Variants in MSI2 observed in about 807,000 individuals in gnomAD.
The protein encoded by MSI2 is RNA-binding protein Musashi homolog 2.
A neutral mutation model predicts 45.6 loss-of-function variants in MSI2; 17 were observed. The observed-to-expected ratio is 0.37, with a 90% CI of 0.26 to 0.56. The LOEUF (loss-of-function observed/expected upper bound fraction) is 0.56. Ranked by LOEUF, MSI2 falls within the 20% of genes least tolerant of loss-of-function variation. MSI2 has a pLI of 0.77. For missense variants in MSI2, 293 were observed against 444.2 expected, an observed-to-expected ratio of 0.66 and a Z score of 3.06; for synonymous variants, 156 against 158.2, an observed-to-expected ratio of 0.99 and a Z score of 0.11.
At chr17:57,256,270 C>A (rs969740675), upstream of MSI2, among the ~76,000 whole-genome samples, 4 of 151,730 alleles carry the variant, frequency 2.6e-5, no homozygotes, top group African/African-American at 7.3e-5. Context: ...CCTGCCGGCC[C>A]GGAGGCGGGG....
At chr17:57,348,562 C>A (rs1351444321) in intron 5 of MSI2, among the ~76,000 whole-genome samples, 1 of 152,146 alleles carries the variant, frequency 6.6e-6, no homozygotes, top group African/African-American at 2.4e-5. Flanking sequence ...AAAAGCCTGG[C>A]ACCTCTTCCC....
rs565070364 is a variant in MSI2, at chr17:57,608,861, G to C, written c.538-7109G>C. ...GAATCTTGATTATAAACCTGCAAGA[G>C]CCTTACAAAATGTCCTGCTTTTTGT... On this transcript the variant is annotated intron_variant, in intron 8 of 13. Coordinates refer to ENST00000284073, the MANE Select transcript of MSI2 (RefSeq NM_138962.4). 3.9e-5 allele frequency among the ~76,000 whole-genome samples: 6 copies of C among 152,322 alleles called. No individual in the cohort carries two copies. The East Asian group carries it at 5.8e-4, about 15-fold the overall frequency.
At chr17:57,690,371 G>A in the MSI2 span, among the ~76,000 whole-genome samples, 1 of 151,440 alleles carries the variant, frequency 6.6e-6, no homozygotes, top group African/African-American at 2.4e-5. Flanking sequence ...AGCACTTTCA[G>A]AGGCCAAGGC....
intron 6 of MSI2, among the ~76,000 whole-genome samples, chr17:57,495,547 A>AAAAAAAAAAG (rs2085961926): frequency 6.7e-6 from 1 of 149,588 alleles, no homozygotes; most frequent in African/African-American, 2.5e-5. Flanking sequence ...AAAAAAAAAA[A>AAAAAAAAAAG]AAAAAGAAAG....
intron 7 of MSI2, among the ~76,000 whole-genome samples, chr17:57,577,535 G>T (rs1598416810): frequency 6.6e-6 from 1 of 152,086 alleles, no homozygotes; most frequent in African/African-American, 2.4e-5. Flanking sequence ...GTTATTTACT[G>T]CCATGCTCAG....
At chr17:57,435,852 T>C (rs1473922685) in intron 6 of MSI2, among the ~76,000 whole-genome samples, 1 of 152,148 alleles carries the variant, frequency 6.6e-6, no homozygotes, top group Non-Finnish European at 1.5e-5. Context: ...CCATCCCTCC[T>C]AGAAAAAATT....
intron 6 of MSI2, among the ~76,000 whole-genome samples, chr17:57,417,904 A>C (rs1219928487): frequency 6.6e-6 from 1 of 152,216 alleles, no homozygotes; most frequent in Non-Finnish European, 1.5e-5. Flanking sequence ...AGAGGCAATA[A>C]AAAGAAATAC....
At chr17:57,594,305 G>A (rs1050458250) in intron 7 of MSI2, among the ~76,000 whole-genome samples, 1 of 152,168 alleles carries the variant, frequency 6.6e-6, no homozygotes, top group African/African-American at 2.4e-5. Context: ...TAGGATCTGG[G>A]CCCTAGGAGG....
At chr17:57,335,675 G>A (rs749792193) in intron 5 of MSI2, among the ~76,000 whole-genome samples, 2 of 152,196 alleles carry the variant, frequency 1.3e-5, no homozygotes, top group Non-Finnish European at 2.9e-5. Context: ...GTCAATTAGC[G>A]ATAAGTGCTG....
intron 10 of MSI2, among the ~76,000 whole-genome samples, chr17:57,651,295 C>G (rs934973582): frequency 1.2e-4 from 18 of 152,066 alleles, no homozygotes; most frequent in Non-Finnish European, 5.9e-5. Context: ...ATCCAGGGAC[C>G]CGTAGGAGAC....
chr17:57,402,797 G>A (rs2084017144), intron 6 of MSI2, among the ~76,000 whole-genome samples: 1 of 152,208 alleles, frequency 6.6e-6, no homozygotes, highest in Non-Finnish European at 1.5e-5. Context: ...TTCCAGGTTG[G>A]TTTTGAAAAG....
At chr17:57,504,702 G>A (rs1378876143) in intron 6 of MSI2, among the ~76,000 whole-genome samples, 1 of 152,142 alleles carries the variant, frequency 6.6e-6, no homozygotes, top group Non-Finnish European at 1.5e-5. Context: ...AGGCCGAGGC[G>A]GGTGGATCAG....
At chr17:57,472,031 C>G (rs1187921473) in intron 6 of MSI2, among the ~76,000 whole-genome samples, 6 of 152,164 alleles carry the variant, frequency 3.9e-5, no homozygotes, top group Non-Finnish European at 5.9e-5. Context: ...TGCAGCTTCT[C>G]TCTTGCTGTG....
chr17:57,464,019 G>A (rs753226), intron 6 of MSI2, among the ~76,000 whole-genome samples: 2,818 of 133,896 alleles, frequency 0.021, 113 homozygotes, highest in Admixed American at 0.11. Context: ...GTGTGTGTGT[G>A]TATGTGTGTG....
chr17:57,287,040 G>A (rs1455491759), intron 5 of MSI2, among the ~76,000 whole-genome samples: 1 of 151,616 alleles, frequency 6.6e-6, no homozygotes, highest in Non-Finnish European at 1.5e-5. Flanking sequence ...TTTCTTCATT[G>A]GAAATTTAAA....
At chr17:57,617,234 A>C (rs1053471612) in intron 9 of MSI2, among the ~76,000 whole-genome samples, 1 of 152,236 alleles carries the variant, frequency 6.6e-6, no homozygotes, top group Non-Finnish European at 1.5e-5. Flanking sequence ...TTCTCCTCAT[A>C]TGAATTTTTT....
chr17:57,360,369 G>A (rs1250951768), intron 5 of MSI2, among the ~76,000 whole-genome samples: 6 of 152,184 alleles, frequency 3.9e-5, no homozygotes, highest in East Asian at 1.9e-4. Context: ...TAACTTCTCC[G>A]AGCCTCTGAT....
intron 6 of MSI2, chr17:57,450,267 GAAAGAAAGAAAGAAAGAAAGAAA>G (rs2084978368): frequency 1.3e-5 from 1 of 75,378 alleles, no homozygotes; most frequent in Non-Finnish European, 2.9e-5. Context: ...AAGAAAGAAA[GAAAGAAAGAAAGAAAGAAAGAAA>G]GAAAGAAAGA....
At chr17:57,270,393 TCTC>T (rs1344965022) in intron 5 of MSI2, among the ~76,000 whole-genome samples, 2 of 152,208 alleles carry the variant, frequency 1.3e-5, no homozygotes, top group Admixed American at 6.5e-5. Context: ...AAGGCTTTGT[TCTC>T]CTCTCTGCTA....
Sources: gnomAD v4.1 joint callset for allele counts (sites outside exome capture counted in the v4.1 genomes callset) on GRCh38, gnomAD v4.1.1 for gene constraint, MANE v1.5 for transcripts, NCBI Gene and HGNC (gene_info 2026-07-23, HGNC 2026-07-21) for gene names.